SNAP23: variants seen among roughly 807,000 people sequenced by gnomAD.
SNAP23 encodes the protein synaptosome associated protein 23, also known as synaptosomal-associated protein 23.
SNAP23 carries 11 observed loss-of-function variants against 29.0 expected under a neutral mutation model. The ratio of observed to expected loss-of-function variants is 0.38; its 90% confidence interval spans 0.24 to 0.63. SNAP23 has a LOEUF of 0.63. Among genes scored for constraint, SNAP23 ranks in the 20% least tolerant of loss-of-function variants. SNAP23 has a pLI of 0.58. For missense variants in SNAP23, 220 were observed against 253.9 expected, an observed-to-expected ratio of 0.87 and a Z score of 0.91; for synonymous variants, 60 against 82.9, an observed-to-expected ratio of 0.72 and a Z score of 1.50.
intron 5 of SNAP23, among the ~76,000 whole-genome samples, chr15:42,523,703 T>C (rs1182609099): frequency 1.3e-5 from 2 of 152,264 alleles, no homozygotes; most frequent in African/African-American, 2.4e-5. Flanking sequence ...AGGGATGCTC[T>C]GACACTGAAG....
In SNAP23 at chr15:42,531,418, C is replaced by T; in HGVS notation, c.576C>T (p.Asp192=). The stretch of plus-strand genomic sequence containing the variant: ...ATATCTTTCTTGTTTTTCAGGCTGA[C>T]ACCAACAGAGATCGTATTGATATTG... ...PQIKRITDKA[D]TNRDRIDIAN... Residue 192 remains aspartate (D), a synonymous_variant, in exon 8 of 8, where the codon GAC becomes GAT. Coordinates refer to ENST00000249647, the MANE Select transcript of SNAP23 (RefSeq NM_003825.4). 6.4e-7 allele frequency: 1 copy of T among 1,572,098 alleles called. No homozygotes were observed.
At chr15:42,518,033 T>C (rs771544733) in intron 5 of SNAP23, among the ~76,000 whole-genome samples, 31 of 152,136 alleles carry the variant, frequency 2.0e-4, no homozygotes, top group Admixed American at 1.3e-3. Flanking sequence ...TCTTTTTTTT[T>C]TTCTGGCACT....
intron 1 of SNAP23, among the ~76,000 whole-genome samples, chr15:42,502,545 C>A: frequency 7.1e-6 from 1 of 140,750 alleles, no homozygotes; most frequent in Admixed American, 7.1e-5. Flanking sequence ...ATAAATAAAG[C>A]ATCTAAGTGA....
At chr15:42,500,981 AGTTT>A (rs2057264930) in intron 1 of SNAP23, among the ~76,000 whole-genome samples, 2 of 152,078 alleles carry the variant, frequency 1.3e-5, no homozygotes, top group South Asian at 4.1e-4. Flanking sequence ...TTAGATGTAA[AGTTT>A]GTTTAAATTT....
At chr15:42,518,114 T>C (rs1328397206) in intron 5 of SNAP23, among the ~76,000 whole-genome samples, 1 of 152,132 alleles carries the variant, frequency 6.6e-6, no homozygotes, top group Non-Finnish European at 1.5e-5. Flanking sequence ...ATTATCTCAG[T>C]TAAAGATGTC....
At chr15:42,525,808 T>A (rs922082560) in intron 5 of SNAP23, among the ~76,000 whole-genome samples, 2 of 152,118 alleles carry the variant, frequency 1.3e-5, no homozygotes, top group Non-Finnish European at 2.9e-5. Flanking sequence ...ACCAATCTGA[T>A]TCTTTGTTTA....
At chr15:42,523,467 CAAAGCCAAG>C (rs1215704068) in intron 5 of SNAP23, among the ~76,000 whole-genome samples, 2 of 152,174 alleles carry the variant, frequency 1.3e-5, no homozygotes, top group Non-Finnish European at 2.9e-5. Context: ...CTGTAGATCT[CAAAGCCAAG>C]AAATGGTAAT....
At chr15:42,494,531 G>C (rs1446692356), upstream of SNAP23, among the ~76,000 whole-genome samples, 1 of 150,108 alleles carries the variant, frequency 6.7e-6, no homozygotes, top group Non-Finnish European at 1.5e-5. Context: ...TTTTTTGTAG[G>C]GGGGACGGAA....
At position 42,531,662 on chromosome 15, in the gene SNAP23, T is replaced by C. The variant is rs1595533969; in HGVS notation, c.*184T>C. ...TTCTGTTGAGGGCCGACTGCTGCTC[T>C]GCCTTCCTTCTAGTATTTTCTTTCT... On this transcript the variant is annotated 3_prime_UTR_variant, in exon 8 of 8. Coordinates refer to ENST00000249647, the MANE Select transcript of SNAP23 (RefSeq NM_003825.4). The C allele has an allele frequency of 6.6e-6, 3 of 452,644 alleles. No individual in the cohort carries two copies. In the East Asian group the frequency reaches 1.0e-4, roughly 16 times the overall value. 28.0% of individuals were successfully genotyped at this position (452,644 alleles called of 1,614,324 possible). A position where few individuals can be genotyped will look rare whatever the true frequency, so the allele number is the denominator to read the frequency against.
At chr15:42,516,882 C>A (rs1390565597) in intron 5 of SNAP23, among the ~76,000 whole-genome samples, 1 of 152,204 alleles carries the variant, frequency 6.6e-6, no homozygotes, top group African/African-American at 2.4e-5. Context: ...TATTCTAACA[C>A]AAGTCTGTTG....
chr15:42,501,039 T>G (rs1363224522), intron 1 of SNAP23, among the ~76,000 whole-genome samples: 1 of 152,206 alleles, frequency 6.6e-6, no homozygotes, highest in Non-Finnish European at 1.5e-5. Flanking sequence ...TCGATGGCCT[T>G]TCAATACTTA....
upstream of SNAP23, chr15:42,492,728 T>C (rs1448829175): frequency 6.8e-6 from 1 of 146,346 alleles, no homozygotes. Context: ...GAAGCGGCTA[T>C]ATTAACCTCT....
chr15:42,507,089 A>G (rs915169466), intron 1 of SNAP23, among the ~76,000 whole-genome samples: 2 of 152,138 alleles, frequency 1.3e-5, no homozygotes, highest in African/African-American at 4.8e-5. Context: ...AAGTACTGGG[A>G]TTACAGACGT....
intron 1 of SNAP23, among the ~76,000 whole-genome samples, chr15:42,506,885 C>T (rs1255044189): frequency 4.6e-5 from 7 of 151,170 alleles, no homozygotes; most frequent in Non-Finnish European, 8.8e-5. Flanking sequence ...GTGATGCCAT[C>T]TCGGCTCACT....
intron 1 of SNAP23, among the ~76,000 whole-genome samples, chr15:42,509,030 A>G (rs532424625): frequency 1.3e-5 from 2 of 152,220 alleles, no homozygotes; most frequent in Admixed American, 1.3e-4. Context: ...TTGGAGAGGT[A>G]TCTCGGTTGG....
intron 1 of SNAP23, among the ~76,000 whole-genome samples, chr15:42,496,459 G>A (rs1010717585): frequency 2.6e-5 from 4 of 152,230 alleles, no homozygotes; most frequent in African/African-American, 4.8e-5. Flanking sequence ...GCTAACGCCT[G>A]TAATCCCAGC....
chr15:42,514,900 C>T (rs1031671902), intron 4 of SNAP23, among the ~76,000 whole-genome samples: 3 of 151,922 alleles, frequency 2.0e-5, no homozygotes, highest in African/African-American at 7.3e-5. Flanking sequence ...TGGGGTTTCA[C>T]CATGTTGGCC....
intron 1 of SNAP23, among the ~76,000 whole-genome samples, chr15:42,509,440 CTTT>C (rs34486893): frequency 3.7e-5 from 5 of 133,966 alleles, no homozygotes; most frequent in Admixed American, 7.5e-5. Context: ...GGCTCAAAAT[CTTT>C]TTTTTTTTTT....
chr15:42,500,679 C>T (rs1040660075), intron 1 of SNAP23, among the ~76,000 whole-genome samples: 1 of 151,582 alleles, frequency 6.6e-6, no homozygotes, highest in African/African-American at 2.4e-5. Flanking sequence ...CATGAGCCAC[C>T]TCACCCGGCC....
Sources: gnomAD v4.1 joint callset for allele counts (sites outside exome capture counted in the v4.1 genomes callset) on GRCh38, gnomAD v4.1.1 for gene constraint, MANE v1.5 for transcripts, NCBI Gene and HGNC (gene_info 2026-07-23, HGNC 2026-07-21) for gene names.